SNX14: variants seen among roughly 807,000 people sequenced by gnomAD.
The protein encoded by SNX14 is sorting nexin-14.
Under a neutral mutation model 133.8 loss-of-function variants are expected in SNX14, and 93 were observed. That is an observed-to-expected ratio of 0.70 (90% confidence interval 0.59 to 0.83). The LOEUF is 0.83. Ranked by LOEUF, SNX14 falls within the 40% of genes least tolerant of loss-of-function variation. SNX14 has a pLI of 0.00. For missense variants in SNX14, 945 were observed against 1,094.9 expected (o/e 0.86, Z 1.93); for synonymous variants, 368 against 365.6 (o/e 1.01, Z -0.07).
intron 5 of SNX14, among the ~76,000 whole-genome samples, chr6:85,567,226 A>G (rs1004127527): frequency 6.6e-6 from 1 of 152,194 alleles, no homozygotes; most frequent in African/African-American, 2.4e-5. Flanking sequence ...ACTGATGCCT[A>G]CATCAGTGGT....
intron 1 of SNX14, among the ~76,000 whole-genome samples, chr6:85,592,854 TTAGCGTGG>T (rs1219808700): frequency 3.4e-5 from 5 of 148,462 alleles, no homozygotes; most frequent in Admixed American, 1.3e-4. Context: ...TACAAAAAAA[TTAGCGTGG>T]TAGCGTGGTG....
chr6:85,548,291 T>G lies in SNX14; in HGVS notation c.867+10A>C. 1 of 1,587,812 alleles carries G rather than the reference T, an allele frequency of 6.3e-7. No homozygotes were observed. Among genetic ancestry groups the G allele is most frequent in the Non-Finnish European group, 8.6e-7 (1 of 1,167,882 alleles). ...TTTGTAACAATTTAAAAAAAAATCT[T>G]AAGTCTTACTGGATCAGCTAGGAAA... On this transcript the variant is annotated intron_variant, in intron 9 of 28. Coordinates refer to ENST00000314673, the MANE Select transcript of SNX14 (RefSeq NM_153816.6).
chr6:85,584,510 G>A (rs1397773534), intron 1 of SNX14, among the ~76,000 whole-genome samples: 3 of 152,032 alleles, frequency 2.0e-5, no homozygotes, highest in East Asian at 1.9e-4. Context: ...CTGAGAAAGG[G>A]CTAATATCCA....
Position 85,593,662 on chromosome 6 carries a change from G to T in SNX14, c.57C>A (p.Asp19Glu), listed in dbSNP as rs773712922. ...GQKLKQRLRLDVGREICRQYP... is the reference protein window; with the variant it reads ...GQKLKQRLRLEVGREICRQYP... ...ACTGGCGGCAGATCTCGCGTCCCAC[G>T]TCCAGTCGCAGCCGCTGCTTCAGCT... The change falls in exon 1 of 29, where the codon GAC (aspartate) becomes GAA (glutamate). Residue 19 changes from aspartate (D) to glutamate (E), a missense_variant. Asp to Glu is a conservative substitution (Grantham distance 45, BLOSUM62 2). Transcript: ENST00000314673. The T allele has an allele frequency of 8.7e-6, 14 of 1,613,064 alleles. No homozygotes were observed. Among genetic ancestry groups the T allele is most frequent in the Middle Eastern group, 1.7e-4 (1 of 6,054 alleles).
Position 85,543,057 on chromosome 6 carries a change from T to A in SNX14, c.1389+125A>T, listed in dbSNP as rs1167496525. 7 of 986,074 alleles carry A rather than the reference T, an allele frequency of 7.1e-6. No individual in the cohort carries two copies. The East Asian group carries it at 8.9e-5, about 13-fold the overall frequency. 61.1% of individuals were successfully genotyped at this position (986,074 alleles called of 1,614,324 possible). A position where few individuals can be genotyped will look rare whatever the true frequency, so the allele number is the denominator to read the frequency against. On this transcript the variant is annotated intron_variant, in intron 14 of 28. Coordinates refer to ENST00000314673, the MANE Select transcript of SNX14 (RefSeq NM_153816.6). ...TGCTGGGATTATAGGCGTGAGCAAC[T>A]GTGCCCAGTAATCTTGTCTTATTTT...
chr6:85,588,389 C>T (rs770523305), intron 1 of SNX14, among the ~76,000 whole-genome samples: 14 of 151,842 alleles, frequency 9.2e-5, no homozygotes, highest in Admixed American at 7.2e-4. Context: ...CTGACTAACA[C>T]GGTGAAACCC....
At chr6:85,524,285 T>C (rs1180285438) in intron 21 of SNX14, among the ~76,000 whole-genome samples, 1 of 151,844 alleles carries the variant, frequency 6.6e-6, no homozygotes, top group Non-Finnish European at 1.5e-5. Context: ...AAGAGGAAAA[T>C]TGAGGACAGA....
chr6:85,584,141 A>C (rs1009471467), intron 1 of SNX14, among the ~76,000 whole-genome samples: 1 of 152,232 alleles, frequency 6.6e-6, no homozygotes, highest in South Asian at 2.1e-4. Flanking sequence ...AAAAACAAGC[A>C]ATGAAGAAAG....
intron 15 of SNX14, among the ~76,000 whole-genome samples, chr6:85,540,383 G>T (rs558571483): frequency 1.3e-5 from 2 of 152,136 alleles, no homozygotes; most frequent in Non-Finnish European, 2.9e-5. Flanking sequence ...CTATAAACAG[G>T]GATAAATTCT....
chr6:85,508,411 A>C, intron 26 of SNX14: 1 of 988,358 alleles, frequency 1.0e-6, no homozygotes, highest in Non-Finnish European at 1.2e-6. Context: ...AAACCCTAAA[A>C]TGATGTTTGT....
chr6:85,565,266 G>A (rs1484023501), intron 6 of SNX14, 66 bp downstream of exon 6: 5 of 1,015,264 alleles, frequency 4.9e-6, no homozygotes, highest in Non-Finnish European at 7.3e-6. Flanking sequence ...ACAAAAAATT[G>A]TTTTAAATCT....
chr6:85,521,895 T>G (rs945056381), intron 21 of SNX14, among the ~76,000 whole-genome samples: 1 of 152,208 alleles, frequency 6.6e-6, no homozygotes, highest in South Asian at 2.1e-4. Context: ...AAGTCTTTAA[T>G]CCACTATGAG....
chr6:85,578,160 T>C (rs1205764496), intron 1 of SNX14, among the ~76,000 whole-genome samples: 1 of 152,148 alleles, frequency 6.6e-6, no homozygotes, highest in Non-Finnish European at 1.5e-5. Context: ...GTAAATACTA[T>C]CTTACAGAAG....
chr6:85,515,273 A>C (rs9344531), intron 23 of SNX14, among the ~76,000 whole-genome samples: 3,914 of 143,072 alleles, frequency 0.027, 126 homozygotes, highest in African/African-American at 0.086. Context: ...AAAAAAAAAA[A>C]AAAAAAAAAA....
chr6:85,592,302 C>G (rs7738371), intron 1 of SNX14, among the ~76,000 whole-genome samples: 12,552 of 152,280 alleles, frequency 0.082, 848 homozygotes, highest in East Asian at 0.22. Flanking sequence ...AACATAGTCA[C>G]AAATAATGGT....
chr6:85,530,129 T>C, intron 19 of SNX14, 63 bp downstream of exon 19: 1 of 935,464 alleles, frequency 1.1e-6, no homozygotes, highest in Non-Finnish European at 1.6e-6. Context: ...ATTAATCTGG[T>C]GTCATAGTTT....
intron 16 of SNX14, among the ~76,000 whole-genome samples, chr6:85,538,035 A>G (rs1782488717): frequency 6.6e-6 from 1 of 152,230 alleles, no homozygotes; most frequent in Non-Finnish European, 1.5e-5. Context: ...GTTTGTTTTG[A>G]ATGCTTAAGT....
intron 23 of SNX14, among the ~76,000 whole-genome samples, chr6:85,515,518 G>A (rs1774655042): frequency 6.6e-6 from 1 of 151,960 alleles, no homozygotes; most frequent in Admixed American, 6.6e-5. Context: ...AGAAAGAGGG[G>A]AGGGGAGAGG....
intron 7 of SNX14, 40 bp from the exon 8 acceptor site, chr6:85,549,919 A>G: frequency 6.5e-7 from 1 of 1,543,546 alleles, no homozygotes; most frequent in Non-Finnish European, 8.8e-7. Context: ...AAGTTAAGTG[A>G]CATTAAATAA....
Sources: allele counts gnomAD v4.1 joint callset (sites outside exome capture counted in the v4.1 genomes callset), GRCh38; gene constraint gnomAD v4.1.1; transcripts MANE v1.5; gene names NCBI Gene and HGNC (gene_info 2026-07-23, HGNC 2026-07-21).